The following STK24 variants were observed in gnomAD, a reference collection of about 807,000 sequenced individuals.
STK24 encodes serine/threonine-protein kinase 24.
STK24 carries 21 observed loss-of-function variants against 55.6 expected under a neutral mutation model. That is an observed-to-expected ratio of 0.38 (90% confidence interval 0.27 to 0.54). STK24 has a LOEUF of 0.54. STK24 is among the 20% of genes least tolerant of loss of function. The pLI is 0.79. For synonymous variants in STK24, 200 were observed against 215.2 expected, an observed-to-expected ratio of 0.93 and a Z score of 0.62; for missense variants, 383 against 538.4, an observed-to-expected ratio of 0.71 and a Z score of 2.86.
intron 6 of STK24, among the ~76,000 whole-genome samples, chr13:98,466,087 T>C (rs1893916111): frequency 6.6e-6 from 1 of 152,240 alleles, no homozygotes; most frequent in African/African-American, 2.4e-5. Flanking sequence ...TGATCTTCTA[T>C]AAATATTAAA....
rs572867043 is a variant in STK24 at position 98,494,849 on chromosome 13, C to T, written c.274-12528G>A. Among the ~76,000 whole-genome samples, 19 of 152,210 alleles carry T rather than the reference C, an allele frequency of 1.2e-4. 1 individual carries two copies. The highest frequency in any genetic ancestry group is 2.4e-4 in the African/African-American group (10 of 41,438). The stretch of plus-strand genomic sequence containing the variant: ...CAAGGGCACCCGCACTGAGGCACCC[C>T]GGGGCACAAACACCCAGCTAAAGGC... On this transcript the variant is annotated intron_variant, in intron 2 of 10. Transcript: ENST00000539966.
chr13:98,538,833 C>A (rs1279377620), intron 1 of STK24, among the ~76,000 whole-genome samples: 1 of 152,198 alleles, frequency 6.6e-6, no homozygotes, highest in Non-Finnish European at 1.5e-5. Context: ...CCTGGTGTCC[C>A]TTCTTTCTTG....
chr13:98,547,704 C>A (rs891021094), intron 1 of STK24, among the ~76,000 whole-genome samples: 1 of 152,190 alleles, frequency 6.6e-6, no homozygotes, highest in African/African-American at 2.4e-5. Context: ...AAATCAATAG[C>A]TGTGAAATGG....
rs536112956 is a variant in STK24 at position 98,527,899 on chromosome 13, C to T, written c.43-8426G>A. Among the ~76,000 whole-genome samples the T allele has an allele frequency of 1.7e-3, 261 of 152,334 alleles. 1 individual carries two copies. Among genetic ancestry groups the T allele is most frequent in the African/African-American group, 5.7e-3 (239 of 41,584 alleles). On this transcript the variant is annotated intron_variant, in intron 1 of 10. Coordinates refer to ENST00000539966, the MANE Select transcript of STK24 (RefSeq NM_001032296.4). ...CAAATGTCCCCTGCTGTGACTGCAG[C>T]CCCAGTTCATGCTGGCGTCTTGCAG...
In STK24 at chr13:98,445,765, C is replaced by T; in HGVS notation, c.*7408G>A. The stretch of plus-strand genomic sequence containing the variant: ...CCGTTGGATTTAGGGCCCACCCTAC[C>T]CCAGTGTGATCTCGTCTTCACTAGT... On this transcript the variant is annotated 3_prime_UTR_variant, in exon 11 of 11. Transcript: ENST00000539966. 1 of 195,816 alleles carries T rather than the reference C, an allele frequency of 5.1e-6. No individual in the cohort carries two copies. The highest frequency in any genetic ancestry group is 8.5e-5 in the South Asian group (1 of 11,776). 12.1% of individuals were successfully genotyped at this position (195,816 alleles called of 1,614,324 possible).
At chr13:98,492,685 A>T (rs1020668443) in intron 2 of STK24, among the ~76,000 whole-genome samples, 1 of 152,190 alleles carries the variant, frequency 6.6e-6, no homozygotes, top group African/African-American at 2.4e-5. Context: ...TCAAGAAGGG[A>T]GGATCCATAC....
chr13:98,468,765 A>G (rs1456965867), intron 5 of STK24, among the ~76,000 whole-genome samples: 1 of 152,248 alleles, frequency 6.6e-6, no homozygotes, highest in African/African-American at 2.4e-5. Context: ...GTACAAGTAT[A>G]CAGTGTGTAA....
intron 1 of STK24, among the ~76,000 whole-genome samples, chr13:98,552,357 T>C (rs1432107014): frequency 6.6e-6 from 1 of 151,882 alleles, no homozygotes; most frequent in Non-Finnish European, 1.5e-5. Flanking sequence ...GGAGAAGGTG[T>C]GGTCAGCAAG....
At chr13:98,559,092 G>A (rs1331119014) in intron 1 of STK24, among the ~76,000 whole-genome samples, 18 of 151,420 alleles carry the variant, frequency 1.2e-4, no homozygotes, top group Non-Finnish European at 2.4e-4. Flanking sequence ...AGGAGGCTGA[G>A]GGCAGAACAA....
intron 2 of STK24, among the ~76,000 whole-genome samples, chr13:98,511,021 C>T (rs1431913795): frequency 2.6e-5 from 4 of 152,142 alleles, no homozygotes; most frequent in Non-Finnish European, 5.9e-5. Context: ...AAGAGATAGA[C>T]AGTGTCTCAC....
intron 6 of STK24, among the ~76,000 whole-genome samples, chr13:98,465,003 T>C (rs1893876254): frequency 6.6e-6 from 1 of 152,080 alleles, no homozygotes; most frequent in South Asian, 2.1e-4. Flanking sequence ...CCCTTGTGAT[T>C]GGGCTGAGGA....
At chr13:98,463,437 T>A (rs1893795653) in intron 7 of STK24, among the ~76,000 whole-genome samples, 1 of 152,092 alleles carries the variant, frequency 6.6e-6, no homozygotes, top group African/African-American at 2.4e-5. Flanking sequence ...CAAAACAGAA[T>A]GAAACAGCCA....
Position 98,446,026 on chromosome 13 carries a change from G to A in STK24, c.*7147C>T. 9.7e-7 allele frequency: 1 copy of A among 1,028,556 alleles called. No homozygotes were observed. The highest frequency in any genetic ancestry group is 1.5e-6 in the Non-Finnish European group (1 of 660,044). 63.7% of individuals were successfully genotyped at this position (1,028,556 alleles called of 1,614,324 possible). On this transcript the variant is annotated 3_prime_UTR_variant, in exon 11 of 11. Transcript: ENST00000539966. The stretch of plus-strand genomic sequence containing the variant: ...TGCCCCAGCCCAGGGCCCTGGTGCA[G>A]GGAGAGCTGCTCTCTGTGCCCTCCT...
At chr13:98,511,590 T>C (rs1447700111) in intron 2 of STK24, among the ~76,000 whole-genome samples, 1 of 152,228 alleles carries the variant, frequency 6.6e-6, no homozygotes, top group African/African-American at 2.4e-5. Flanking sequence ...CACACCCTGG[T>C]GCCCTACTTA....
Position 98,448,376 on chromosome 13 carries a change from T to A in STK24, c.*4797A>T. ...TTCCTGGAAGACGTTTCCTTTCTTCTGTATTAATGAAGCCTGGTAAAATTA... is the reference window on the plus strand; with the variant it reads ...TTCCTGGAAGACGTTTCCTTTCTTCAGTATTAATGAAGCCTGGTAAAATTA... On this transcript the variant is annotated 3_prime_UTR_variant, in exon 11 of 11. Coordinates refer to ENST00000539966, the MANE Select transcript of STK24 (RefSeq NM_001032296.4). The A allele has an allele frequency of 7.6e-7, 1 of 1,309,602 alleles. No homozygotes were observed. Among genetic ancestry groups the A allele is most frequent in the South Asian group, 1.2e-5 (1 of 84,676 alleles). 81.1% of individuals were successfully genotyped at this position (1,309,602 alleles called of 1,614,324 possible). A position where few individuals can be genotyped will look rare whatever the true frequency, so the allele number is the denominator to read the frequency against.
Position 98,576,924 on chromosome 13 carries a change from GT to G in STK24, c.-139del. ...CCCGAGGCCACCCCAGCCCTGGCGG[GT>G]CCCGGCCGGGCGGCGGGGGCTCAGC... On this transcript the variant is annotated 5_prime_UTR_variant, in exon 1 of 11. Coordinates refer to ENST00000539966, the MANE Select transcript of STK24 (RefSeq NM_001032296.4). 2.6e-6 allele frequency: 1 copy of G among 392,018 alleles called. No individual in the cohort carries two copies. The highest frequency in any genetic ancestry group is 3.4e-6 in the Non-Finnish European group (1 of 290,500). The allele number at this position is 392,018 out of a possible 1,614,324, so 24.3% of individuals were successfully genotyped here. A position where few individuals can be genotyped will look rare whatever the true frequency, so the allele number is the denominator to read the frequency against.
At chr13:98,472,540 A>G (rs1009538580) in intron 5 of STK24, among the ~76,000 whole-genome samples, 2 of 152,130 alleles carry the variant, frequency 1.3e-5, no homozygotes, top group African/African-American at 4.8e-5. Flanking sequence ...TGTTTCTTCT[A>G]CTTCAGGAGA....
At chr13:98,576,671 G>A (rs992168735) in intron 1 of STK24, 74 bp downstream of exon 1, 6 of 1,297,598 alleles carry the variant, frequency 4.6e-6, no homozygotes, top group Non-Finnish European at 3.1e-6. Context: ...GTAGGGGGAC[G>A]CCGTGTGGAT....
chr13:98,535,971 TA>T (rs1377688598), intron 1 of STK24, among the ~76,000 whole-genome samples: 1 of 152,236 alleles, frequency 6.6e-6, no homozygotes, highest in Admixed American at 6.5e-5. Context: ...CTGACTATTC[TA>T]GAAGCCAGAC....
Sources: gnomAD v4.1 joint callset for allele counts (sites outside exome capture counted in the v4.1 genomes callset) on GRCh38, gnomAD v4.1.1 for gene constraint, MANE v1.5 for transcripts, NCBI Gene and HGNC (gene_info 2026-07-23, HGNC 2026-07-21) for gene names.